The following IL1RAPL1 variants were observed in gnomAD, a reference collection of about 807,000 sequenced individuals.
IL1RAPL1 encodes the protein interleukin 1 receptor accessory protein like 1, also known as interleukin-1 receptor accessory protein-like 1.
IL1RAPL1 carries 3 observed loss-of-function variants against 48.4 expected under a neutral mutation model. That is an observed-to-expected ratio of 0.06 (90% CI 0.03 to 0.16). The LOEUF (loss-of-function observed/expected upper bound fraction) is 0.16, where lower values mean the gene tolerates loss of function less well. IL1RAPL1 is among the 10% of genes least tolerant of loss of function. The pLI is 1.00. For synonymous variants in IL1RAPL1, 185 were observed against 187.7 expected, an observed-to-expected ratio of 0.99 and a Z score of 0.12; for missense variants, 349 against 530.6, an observed-to-expected ratio of 0.66 and a Z score of 3.36.
At chrX:28,872,092 C>T (rs753635037) in intron 2 of IL1RAPL1, among the ~76,000 whole-genome samples, 7 of 111,793 alleles carry the variant, frequency 6.3e-5, no homozygotes, top group East Asian at 2.8e-4. Flanking sequence ...ACTGCAGCCT[C>T]GACCTCTTGG....
chrX:29,447,993 A>G (rs1353853299), intron 5 of IL1RAPL1, among the ~76,000 whole-genome samples: 3 of 111,984 alleles, frequency 2.7e-5, no homozygotes, highest in Non-Finnish European at 1.9e-5. Context: ...ATAAGCAAGC[A>G]TGCTGAGGTA....
chrX:29,297,547 C>T (rs1019858598), intron 3 of IL1RAPL1, among the ~76,000 whole-genome samples: 1 of 112,141 alleles, frequency 8.9e-6, no homozygotes, highest in Middle Eastern at 4.7e-3. Context: ...AATAGAAACT[C>T]TTCTGGATAG....
chrX:29,809,820 G>A (rs1415199556), intron 6 of IL1RAPL1, among the ~76,000 whole-genome samples: 21 of 101,644 alleles, frequency 2.1e-4, no homozygotes, highest in African/African-American at 7.7e-4. Context: ...GCATCCCTCT[G>A]TGTTAGTTTT....
At chrX:29,118,901 A>G (rs1466372243) in intron 2 of IL1RAPL1, among the ~76,000 whole-genome samples, 1 of 112,026 alleles carries the variant, frequency 8.9e-6, no homozygotes, top group Non-Finnish European at 1.9e-5. Flanking sequence ...TTATACACAC[A>G]TATATGATAT....
intron 5 of IL1RAPL1, among the ~76,000 whole-genome samples, chrX:29,530,648 G>T (rs1026105687): frequency 8.9e-6 from 1 of 111,814 alleles, no homozygotes; most frequent in African/African-American, 3.3e-5. Flanking sequence ...GCTGACATGT[G>T]GGAGACAGGG....
chrX:29,638,026 C>G (rs751302796), intron 5 of IL1RAPL1, among the ~76,000 whole-genome samples: 2 of 111,888 alleles, frequency 1.8e-5, no homozygotes, highest in South Asian at 7.4e-4. Context: ...TAATAATATA[C>G]ATGGTCCTAG....
intron 1 of IL1RAPL1, among the ~76,000 whole-genome samples, chrX:28,780,536 G>A (rs1479311201): frequency 1.8e-5 from 2 of 110,620 alleles, no homozygotes; most frequent in African/African-American, 3.3e-5. Context: ...ATTTAGAAAC[G>A]TATGGCTTTT....
intron 5 of IL1RAPL1, among the ~76,000 whole-genome samples, chrX:29,400,647 A>G (rs1020142755): frequency 8.9e-6 from 1 of 112,178 alleles, no homozygotes; most frequent in Admixed American, 9.5e-5. Context: ...TCCACTTAAA[A>G]TTAGTTTTCC....
intron 2 of IL1RAPL1, among the ~76,000 whole-genome samples, chrX:29,101,512 A>G (rs1188394757): frequency 3.6e-5 from 4 of 111,930 alleles, no homozygotes; most frequent in Non-Finnish European, 7.5e-5. Flanking sequence ...CGAGGCCAGT[A>G]TTACCCTGAC....
chrX:28,897,221 G>A (rs1280990292), intron 2 of IL1RAPL1, among the ~76,000 whole-genome samples: 2 of 55,520 alleles, frequency 3.6e-5, no homozygotes, highest in African/African-American at 1.6e-4. Context: ...GAAGGGGTCG[G>A]GGGGGTTCTT....
chrX:29,282,183 T>C (rs909300324), intron 2 of IL1RAPL1, among the ~76,000 whole-genome samples: 4 of 112,018 alleles, frequency 3.6e-5, no homozygotes, highest in Non-Finnish European at 7.5e-5. Flanking sequence ...ATTCAGTCTA[T>C]AGCAAAAGAG....
chrX:28,792,852 A>ATTTATATATATAT (rs1569174038), intron 2 of IL1RAPL1, among the ~76,000 whole-genome samples: 1 of 19,868 alleles, frequency 5.0e-5, no homozygotes, highest in African/African-American at 4.2e-4. Context: ...TATATATATA[A>ATTTATATATATAT]AAAATAAGGC....
At chrX:29,812,143 T>C (rs1358641228) in intron 6 of IL1RAPL1, among the ~76,000 whole-genome samples, 3 of 112,303 alleles carry the variant, frequency 2.7e-5, no homozygotes, top group African/African-American at 6.5e-5. Flanking sequence ...GAGAGGACTT[T>C]ATGATTTAAA....
chrX:28,878,614 G>A (rs780176566), intron 2 of IL1RAPL1, among the ~76,000 whole-genome samples: 21 of 111,658 alleles, frequency 1.9e-4, no homozygotes, highest in Admixed American at 1.0e-3. Flanking sequence ...AATTTGGAGG[G>A]TCTGTGTCTG....
At chrX:29,099,478 T>A (rs1928287314) in intron 2 of IL1RAPL1, among the ~76,000 whole-genome samples, 1 of 111,990 alleles carries the variant, frequency 8.9e-6, no homozygotes, top group African/African-American at 3.2e-5. Flanking sequence ...TACAATAACA[T>A]TACTAAATTT....
At chrX:29,717,968 A>G (rs1051197452) in intron 6 of IL1RAPL1, among the ~76,000 whole-genome samples, 7 of 111,960 alleles carry the variant, frequency 6.3e-5, no homozygotes, top group African/African-American at 2.3e-4. Context: ...ACTTTGGGAA[A>G]TACCAAGCTA....
At chrX:29,632,175 G>T (rs1168179743) in intron 5 of IL1RAPL1, among the ~76,000 whole-genome samples, 2 of 107,470 alleles carry the variant, frequency 1.9e-5, no homozygotes, top group Admixed American at 2.0e-4. Flanking sequence ...TTGAGACAGA[G>T]TCTCACTCTG....
chrX:28,712,244 A>C (rs1935449915), intron 1 of IL1RAPL1, among the ~76,000 whole-genome samples: 1 of 111,248 alleles, frequency 9.0e-6, no homozygotes, highest in African/African-American at 3.3e-5. Context: ...CTAGGCTGTC[A>C]TTAGGAAGAT....
At chrX:29,400,318 G>A (rs1202665543) in intron 5 of IL1RAPL1, among the ~76,000 whole-genome samples, 14 of 112,206 alleles carry the variant, frequency 1.2e-4, no homozygotes, top group Non-Finnish European at 1.5e-4. Context: ...TTTTTGCAAG[G>A]ATCAAATGAA....
Sources: gnomAD v4.1 joint callset for allele counts (sites outside exome capture counted in the v4.1 genomes callset) on GRCh38, gnomAD v4.1.1 for gene constraint, MANE v1.5 for transcripts, NCBI Gene and HGNC (gene_info 2026-07-23, HGNC 2026-07-21) for gene names.